The following ACOT12 variants were observed in gnomAD, a reference collection of about 807,000 sequenced individuals.
The protein encoded by ACOT12 is acetyl-coenzyme A thioesterase.
Under a neutral mutation model 67.7 loss-of-function variants are expected in ACOT12, and 51 were observed. The ratio of observed to expected loss-of-function variants is 0.75; its 90% CI spans 0.60 to 0.95. The LOEUF (loss-of-function observed/expected upper bound fraction) is 0.95, where lower values mean the gene tolerates loss of function less well. ACOT12 is among the 40% of genes least tolerant of loss of function. ACOT12 has a pLI of 0.00. For synonymous variants in ACOT12, 251 were observed against 244.6 expected, an observed-to-expected ratio of 1.03 and a Z score of -0.24; for missense variants, 734 against 708.1, an observed-to-expected ratio of 1.04 and a Z score of -0.41.
chr5:81,337,604 T>C (rs1293447158), intron 11 of ACOT12, among the ~76,000 whole-genome samples: 1 of 152,106 alleles, frequency 6.6e-6, no homozygotes, highest in Non-Finnish European at 1.5e-5. Context: ...AGGGTGGAGA[T>C]CTGGTGATGT....
Position 81,344,979 on chromosome 5 carries a change from C to A in ACOT12, c.836G>T (p.Arg279Leu). 1 of 1,614,152 alleles carries A rather than the reference C, an allele frequency of 6.2e-7. No individual in the cohort carries two copies. Among genetic ancestry groups the A allele is most frequent in the Non-Finnish European group, 8.5e-7 (1 of 1,180,014 alleles). ...DCQEWAEGRG[R>L]HINSAFLIYN... ...AATGAGAAAAGCACTGTTGATGTGA[C>A]GCCCTCGGCCCTCGGCCCATTCCTG... The change falls in exon 8 of 15, where the codon CGT becomes CTT. Residue 279 changes from arginine (R) to leucine (L), a missense_variant. Coordinates refer to ENST00000307624, the MANE Select transcript of ACOT12 (RefSeq NM_130767.3).
In ACOT12 at chr5:81,330,407, A is replaced by G. The variant is rs749006398; in HGVS notation, c.1655T>C (p.Val552Ala). 6.2e-7 allele frequency: 1 copy of G among 1,612,698 alleles called. No individual in the cohort carries two copies. Among genetic ancestry groups the G allele is most frequent in the South Asian group, 1.1e-5 (1 of 90,812 alleles). ...GAAAGTTGACCTTTAAAATGTGCTT[A>G]CAAACCCATCATCAGGAGGATTCTC... ...FLENPPDDGFVSTF is the reference protein window; with the variant it reads ...FLENPPDDGFASTF Residue 552 changes from valine (V) to alanine (A), a missense_variant, in exon 15 of 15, where the codon GTA becomes GCA. Transcript: ENST00000307624.
chr5:81,311,482 G>C, the ACOT12 span, among the ~76,000 whole-genome samples: 1 of 152,260 alleles, frequency 6.6e-6, no homozygotes, highest in East Asian at 1.9e-4. Context: ...AAAGTGACCA[G>C]TAAGCCTTAG....
chr5:81,330,842 A>T lies in ACOT12; in HGVS notation c.1490T>A (p.Ile497Asn). The change falls in exon 14 of 15, where the codon ATC (isoleucine) becomes AAC (asparagine). Residue 497 changes from isoleucine (I) to asparagine (N), a missense_variant. Physicochemically the swap from Ile to Asn is moderately radical, Grantham distance 149. Coordinates refer to ENST00000307624, the MANE Select transcript of ACOT12 (RefSeq NM_130767.3). ...RSEIICAGFL[I>N]HAIDSNSCIV... ...GCATGAATTGCTGTCAATAGCATGG[A>T]TGAGAAATCCGGCACATATGATTTC... is the stretch of plus-strand genomic sequence containing the variant. 1 of 1,614,050 alleles carries T rather than the reference A, an allele frequency of 6.2e-7. No individual in the cohort carries two copies. The highest frequency in any genetic ancestry group is 2.2e-5 in the East Asian group (1 of 44,872).
intron 2 of ACOT12, among the ~76,000 whole-genome samples, chr5:81,377,797 T>C (rs1404787549): frequency 6.6e-6 from 1 of 152,120 alleles, no homozygotes; most frequent in Non-Finnish European, 1.5e-5. Flanking sequence ...AAGGACCTCT[T>C]CAAGGAGAAC....
chr5:81,336,152 GT>G (rs374700198), intron 11 of ACOT12, among the ~76,000 whole-genome samples: 2,986 of 147,336 alleles, frequency 0.02, 30 homozygotes, highest in African/African-American at 0.024. Context: ...TTGCACAACA[GT>G]TTTTTTTTTT....
intron 11 of ACOT12, among the ~76,000 whole-genome samples, chr5:81,339,017 T>A (rs1340848865): frequency 1.3e-5 from 2 of 149,864 alleles, no homozygotes; most frequent in Admixed American, 1.3e-4. Flanking sequence ...GGAGGGGGAG[T>A]TGTAGTGAAC....
the ACOT12 span, chr5:81,311,371 C>G: frequency 7.6e-7 from 1 of 1,308,210 alleles, no homozygotes; most frequent in South Asian, 1.2e-5. Flanking sequence ...AATTGGGATA[C>G]TAATGATTTT....
At chr5:81,368,082 A>G (rs1435909278) in intron 3 of ACOT12, among the ~76,000 whole-genome samples, 1 of 152,180 alleles carries the variant, frequency 6.6e-6, no homozygotes, top group Non-Finnish European at 1.5e-5. Flanking sequence ...ACCTGAGGTC[A>G]GGAGTTCAAG....
chr5:81,316,835 T>C, the ACOT12 span, among the ~76,000 whole-genome samples: 1 of 152,238 alleles, frequency 6.6e-6, no homozygotes, highest in Non-Finnish European at 1.5e-5. Flanking sequence ...CATGTGCTTA[T>C]TGGCCATTTG....
the ACOT12 span, among the ~76,000 whole-genome samples, chr5:81,315,352 A>G: frequency 6.6e-6 from 1 of 152,144 alleles, no homozygotes; most frequent in Non-Finnish European, 1.5e-5. Context: ...TCCTTCAGGC[A>G]TCTGCTATGA....
the ACOT12 span, among the ~76,000 whole-genome samples, chr5:81,317,517 AAG>A: frequency 4.6e-5 from 7 of 151,860 alleles, no homozygotes; most frequent in Non-Finnish European, 7.4e-5. Context: ...AAAAAAAAAA[AAG>A]AGGTTTAATT....
At chr5:81,345,772 GA>G (rs1309755223) in intron 7 of ACOT12, 112 bp downstream of exon 7, 22 of 1,391,538 alleles carry the variant, frequency 1.6e-5, no homozygotes, top group Admixed American at 4.3e-5. Context: ...AAAATTGCAT[GA>G]AAAAAATGGA....
downstream of ACOT12, among the ~76,000 whole-genome samples, chr5:81,326,661 C>A (rs1758681411): frequency 6.6e-6 from 1 of 152,210 alleles, no homozygotes; most frequent in Non-Finnish European, 1.5e-5. Flanking sequence ...AGGCCGATAA[C>A]TTTTTGAGCA....
At chr5:81,358,927 A>G (rs986042087) in intron 5 of ACOT12, among the ~76,000 whole-genome samples, 6 of 151,834 alleles carry the variant, frequency 4.0e-5, no homozygotes, top group Non-Finnish European at 7.4e-5. Flanking sequence ...CCTTTGAAAA[A>G]TCTCTTTTTC....
downstream of ACOT12, among the ~76,000 whole-genome samples, chr5:81,326,907 T>G (rs1290053950): frequency 6.6e-6 from 1 of 152,182 alleles, no homozygotes; most frequent in Non-Finnish European, 1.5e-5. Flanking sequence ...GTTTTAATAC[T>G]TTGGAAAGGG....
At chr5:81,353,471 T>C (rs918808162) in intron 5 of ACOT12, among the ~76,000 whole-genome samples, 1 of 152,220 alleles carries the variant, frequency 6.6e-6, no homozygotes, top group Non-Finnish European at 1.5e-5. Context: ...ACATTCACTC[T>C]ACATTTGTAG....
At chr5:81,323,196 G>C in the ACOT12 span, among the ~76,000 whole-genome samples, 4 of 151,742 alleles carry the variant, frequency 2.6e-5, no homozygotes, top group African/African-American at 7.3e-5. Flanking sequence ...GGCTCTATCA[G>C]TCAGTTTCTG....
intron 12 of ACOT12, among the ~76,000 whole-genome samples, chr5:81,333,318 T>TA (rs1297492213): frequency 6.6e-6 from 1 of 152,222 alleles, no homozygotes; most frequent in Non-Finnish European, 1.5e-5. Flanking sequence ...AAATGTGGTA[T>TA]ATTGGAAACC....
Sources: gnomAD v4.1 joint callset for allele counts (sites outside exome capture counted in the v4.1 genomes callset) on GRCh38, gnomAD v4.1.1 for gene constraint, MANE v1.5 for transcripts, NCBI Gene and HGNC (gene_info 2026-07-23, HGNC 2026-07-21) for gene names.